TSG101: variants seen among roughly 807,000 people sequenced by gnomAD.
TSG101 encodes tumor susceptibility 101.
Under a neutral mutation model 48.5 loss-of-function variants are expected in TSG101, and 19 were observed. The observed-to-expected ratio is 0.39, with a 90% CI of 0.27 to 0.58. The LOEUF (loss-of-function observed/expected upper bound fraction) is 0.58. TSG101 is among the 20% of genes least tolerant of loss of function. TSG101 has a pLI of 0.55. For synonymous variants in TSG101, 174 were observed against 169.4 expected, an observed-to-expected ratio of 1.03 and a Z score of -0.21; for missense variants, 365 against 484.4, an observed-to-expected ratio of 0.75 and a Z score of 2.31.
chr11:18,480,461 C>T lies in TSG101; in HGVS notation c.*85G>A, dbSNP rs551990459. 7.1e-4 allele frequency: 700 copies of T among 990,602 alleles called. 9 individuals carry two copies. The South Asian group carries it at 8.7e-3, about 12-fold the overall frequency. 61.4% of individuals were successfully genotyped at this position (990,602 alleles called of 1,614,324 possible). ...TATTTTACACTTGAATGATAAACTG[C>T]AATAACTTATTCTGGGCACCTACTG... On this transcript the variant is annotated 3_prime_UTR_variant, in exon 10 of 10. Coordinates refer to ENST00000251968, the MANE Select transcript of TSG101 (RefSeq NM_006292.4).
rs73422519 is a variant in TSG101 at position 18,521,422 on chromosome 11, G to A, written c.43-1819C>T. 5.2e-3 allele frequency among the ~76,000 whole-genome samples: 684 copies of A among 130,454 alleles called. 4 individuals carry two copies. Among genetic ancestry groups the A allele is most frequent in the African/African-American group, 0.019 (662 of 34,362 alleles). The allele number at this position is 130,454 out of a possible 152,430, so 85.6% of individuals were successfully genotyped here. The stretch of plus-strand genomic sequence containing the variant: ...CTCACTCTGTCGCTCAGGCTACAGT[G>A]CAGTGGTATGATCATGGCTCACTTC... On this transcript the variant is annotated intron_variant, in intron 1 of 9. Transcript: ENST00000251968.
Position 18,490,289 on chromosome 11 carries a change from G to C in TSG101, c.641-6217C>G, listed in dbSNP as rs992501699. The C allele has an allele frequency of 7.0e-6, 4 of 572,760 alleles. No homozygotes were observed. The African/African-American group carries it at 7.6e-5, about 11-fold the overall frequency. The allele number at this position is 572,760 out of a possible 1,614,324, so 35.5% of individuals were successfully genotyped here. A position where few individuals can be genotyped will look rare whatever the true frequency, so the allele number is the denominator to read the frequency against. ...TCTTCCTGGTTTTCCGATGTCCACA[G>C]AGTAACACTGTCCCAAGTAATTGCA... is the stretch of plus-strand genomic sequence containing the variant. On this transcript the variant is annotated intron_variant, in intron 7 of 9. Transcript: ENST00000251968.
Position 18,480,683 on chromosome 11 carries a change from G to A in TSG101, c.1084-48C>T, listed in dbSNP as rs188819326. The stretch of plus-strand genomic sequence containing the variant: ...ATAGTTTAGAATGGCTTTGATTTAG[G>A]CCCAGGCATAAAATAGACAATTTGT... On this transcript the variant is annotated intron_variant, in intron 9 of 9. Coordinates refer to ENST00000251968, the MANE Select transcript of TSG101 (RefSeq NM_006292.4). 8.5e-4 allele frequency: 1,323 copies of A among 1,553,436 alleles called. 2 individuals are homozygous for A. Among genetic ancestry groups the A allele is most frequent in the Non-Finnish European group, 1.1e-3 (1,228 of 1,132,426 alleles).
chr11:18,520,204 T>C (rs965874123), intron 1 of TSG101, among the ~76,000 whole-genome samples: 5 of 152,184 alleles, frequency 3.3e-5, no homozygotes, highest in African/African-American at 7.2e-5. Context: ...ATCCACGTTG[T>C]AGCATTTATC....
At position 18,483,725 on chromosome 11, in the gene TSG101, G is replaced by T; in HGVS notation, c.843+145C>A. 8 of 812,676 alleles carry T rather than the reference G, an allele frequency of 9.8e-6. No homozygotes were observed. The South Asian group carries it at 1.2e-4, about 12-fold the overall frequency. 50.3% of individuals were successfully genotyped at this position (812,676 alleles called of 1,614,324 possible). Reference sequence around the variant, plus strand: ...AACATAGGCTCCACTGTAAACAAAGGTATAAAAAATTACATTCAAATGTTT... The same window carrying T: ...AACATAGGCTCCACTGTAAACAAAGTTATAAAAAATTACATTCAAATGTTT... On this transcript the variant is annotated intron_variant, in intron 8 of 9. Transcript: ENST00000251968.
At chr11:18,482,733 T>C (rs1056885207) in intron 8 of TSG101, among the ~76,000 whole-genome samples, 1 of 152,222 alleles carries the variant, frequency 6.6e-6, no homozygotes, top group Non-Finnish European at 1.5e-5. Context: ...CTCTGGATTA[T>C]TGAGAAAGTT....
At chr11:18,504,390 T>C (rs1849936111) in intron 6 of TSG101, among the ~76,000 whole-genome samples, 2 of 152,030 alleles carry the variant, frequency 1.3e-5, no homozygotes, top group South Asian at 4.1e-4. Flanking sequence ...GTAATCATGG[T>C]ACTTCTCTTA....
intron 7 of TSG101, among the ~76,000 whole-genome samples, chr11:18,496,246 C>T (rs1050059430): frequency 1.3e-5 from 2 of 151,764 alleles, no homozygotes; most frequent in African/African-American, 4.8e-5. Flanking sequence ...GGTGGATCAC[C>T]TGAGGTTAGG....
At position 18,509,439 on chromosome 11, in the gene TSG101, A is replaced by C. The variant is rs542683518; in HGVS notation, c.481+103T>G. On this transcript the variant is annotated intron_variant, in intron 5 of 9. Coordinates refer to ENST00000251968, the MANE Select transcript of TSG101 (RefSeq NM_006292.4). ...TTCCAAAAAATCCACTAGCTTGATA[A>C]ACTAAAAAGCAAAGAAGTCATTATT... 26 of 1,421,342 alleles carry C rather than the reference A, an allele frequency of 1.8e-5. No individual in the cohort carries two copies. The East Asian group carries it at 6.4e-4, about 35-fold the overall frequency. 88.0% of individuals were successfully genotyped at this position (1,421,342 alleles called of 1,614,324 possible). A position where few individuals can be genotyped will look rare whatever the true frequency, so the allele number is the denominator to read the frequency against.
chr11:18,516,036 T>G, intron 3 of TSG101, 63 bp downstream of exon 3: 1 of 1,452,276 alleles, frequency 6.9e-7, no homozygotes, highest in Non-Finnish European at 9.5e-7. Context: ...TTATAACTCT[T>G]TGGCAACATA....
At chr11:18,515,609 A>C (rs1850157594) in intron 3 of TSG101, among the ~76,000 whole-genome samples, 1 of 152,236 alleles carries the variant, frequency 6.6e-6, no homozygotes, top group Non-Finnish European at 1.5e-5. Flanking sequence ...CACGTCCTTT[A>C]CATTCATTAT....
chr11:18,524,831 CTTAA>C (rs1850339856), intron 1 of TSG101, among the ~76,000 whole-genome samples: 1 of 151,716 alleles, frequency 6.6e-6, no homozygotes, highest in South Asian at 2.1e-4. Flanking sequence ...GCTTAGGAAA[CTTAA>C]TTAGGGTATA....
intron 7 of TSG101, among the ~76,000 whole-genome samples, chr11:18,484,801 T>C (rs1849593827): frequency 6.6e-6 from 1 of 152,236 alleles, no homozygotes; most frequent in African/African-American, 2.4e-5. Context: ...AGTTTGGGTA[T>C]TCTTTATGAC....
chr11:18,498,004 G>A (rs1005210314), intron 7 of TSG101, among the ~76,000 whole-genome samples: 1 of 151,692 alleles, frequency 6.6e-6, no homozygotes, highest in Non-Finnish European at 1.5e-5. Flanking sequence ...TGTTCATTCA[G>A]GAACTCAGCA....
At chr11:18,489,516 G>A (rs555072483) in intron 7 of TSG101, among the ~76,000 whole-genome samples, 22 of 152,218 alleles carry the variant, frequency 1.4e-4, no homozygotes, top group Non-Finnish European at 2.1e-4. Context: ...TGAAGCACAA[G>A]TTGCAAATTG....
In TSG101 at chr11:18,499,277, A is replaced by T. The variant is rs1243933228; in HGVS notation, c.640+3209T>A. On this transcript the variant is annotated intron_variant, in intron 7 of 9. Coordinates refer to ENST00000251968, the MANE Select transcript of TSG101 (RefSeq NM_006292.4). ...TATTATATATATTTTATATATATTT[A>T]TATATATCATATATATTTATATTTA... Among the ~76,000 whole-genome samples, 8 of 124,680 alleles carry T rather than the reference A, an allele frequency of 6.4e-5. 1 individual carries two copies. Among genetic ancestry groups the T allele is most frequent in the South Asian group, 4.8e-4 (2 of 4,164 alleles). 81.8% of individuals were successfully genotyped at this position (124,680 alleles called of 152,430 possible). A position where few individuals can be genotyped will look rare whatever the true frequency, so the allele number is the denominator to read the frequency against.
At chr11:18,511,804 C>T (rs1850087472) in intron 4 of TSG101, among the ~76,000 whole-genome samples, 1 of 152,158 alleles carries the variant, frequency 6.6e-6, no homozygotes, top group South Asian at 2.1e-4. Context: ...GTTTCCCTTT[C>T]CCCACAGCCC....
intron 7 of TSG101, among the ~76,000 whole-genome samples, chr11:18,498,889 T>G (rs566082827): frequency 6.6e-6 from 1 of 152,184 alleles, no homozygotes; most frequent in Admixed American, 6.6e-5. Context: ...ATGAGCATGG[T>G]GTTTTGGAAA....
chr11:18,509,599 A>T lies in TSG101; in HGVS notation c.424T>A (p.Phe142Ile), dbSNP rs1311291749. 1 of 1,613,918 alleles carries T rather than the reference A, an allele frequency of 6.2e-7. No individual in the cohort carries two copies. Among genetic ancestry groups the T allele is most frequent in the Non-Finnish European group, 8.5e-7 (1 of 1,179,906 alleles). The stretch of plus-strand genomic sequence containing the variant: ...TAGGATGCCGAAATAGGACGAGAGA[A>T]GACTGGAGGTTCATCTCCAAATACC... ...IVVFGDEPPV[F>I]SRPISASYPP... is the part of the protein sequence containing the mutation. The change falls in exon 5 of 10, where the codon TTC (phenylalanine) becomes ATC (isoleucine). Residue 142 changes from phenylalanine (F) to isoleucine (I), a missense_variant. Physicochemically the swap from Phe to Ile is conservative, Grantham distance 21. Coordinates refer to ENST00000251968, the MANE Select transcript of TSG101 (RefSeq NM_006292.4).
Sources: gnomAD v4.1 joint callset for allele counts (sites outside exome capture counted in the v4.1 genomes callset) on GRCh38, gnomAD v4.1.1 for gene constraint, MANE v1.5 for transcripts, NCBI Gene and HGNC (gene_info 2026-07-23, HGNC 2026-07-21) for gene names.